NRIP1: variants seen among roughly 807,000 people sequenced by gnomAD.
NRIP1 encodes the protein nuclear receptor-interacting protein 1.
NRIP1 carries 28 observed loss-of-function variants against 75.0 expected under a neutral mutation model. The ratio of observed to expected loss-of-function variants is 0.37; its 90% CI spans 0.28 to 0.51. The LOEUF is 0.51. Among genes scored for constraint, NRIP1 ranks in the 20% least tolerant of loss-of-function variants. The pLI, the probability that NRIP1 is intolerant of heterozygous loss-of-function variation, is 0.92. For missense variants in NRIP1, 1,435 were observed against 1,343.7 expected, an observed-to-expected ratio of 1.07 and a Z score of -1.06; for synonymous variants, 526 against 487.6, an observed-to-expected ratio of 1.08 and a Z score of -1.04.
chr21:14,977,159 G>A (rs2087095318), intron 3 of NRIP1, among the ~76,000 whole-genome samples: 1 of 151,970 alleles, frequency 6.6e-6, no homozygotes, highest in African/African-American at 2.4e-5. Context: ...AATTTCAGGG[G>A]TATTTTTATA....
At chr21:14,990,476 A>G (rs142252566) in intron 3 of NRIP1, among the ~76,000 whole-genome samples, 1 of 152,258 alleles carries the variant, frequency 6.6e-6, no homozygotes, top group East Asian at 1.9e-4. Context: ...GGTTGAAGAG[A>G]CTTGAGTAAG....
intron 2 of NRIP1, among the ~76,000 whole-genome samples, chr21:15,015,616 A>G (rs1487869478): frequency 6.6e-6 from 1 of 152,106 alleles, no homozygotes; most frequent in Non-Finnish European, 1.5e-5. Flanking sequence ...AGTTAAATAA[A>G]CTACAGTATA....
chr21:15,045,803 CGTT>C, intron 1 of NRIP1, among the ~76,000 whole-genome samples: 1 of 152,310 alleles, frequency 6.6e-6, no homozygotes, highest in Non-Finnish European at 1.5e-5. Flanking sequence ...CTAAATCCTT[CGTT>C]GTTATTTCAA....
Position 14,964,809 on chromosome 21 carries a change from A to G in NRIP1, c.3384T>C (p.His1128=), listed in dbSNP as rs2086678075. ...FFNLRSPYNS[H]MGNNASRPHS... is the part of the protein sequence containing the mutation. ...GTGGGCGAGAAGCATTATTTCCCAT[A>G]TGGCTATTGTAAGGGCTTCTTAAAT... Residue 1128 remains histidine (H), a synonymous_variant, in exon 4 of 4, where the codon CAT becomes CAC. Transcript: ENST00000318948. 1 of 1,612,388 alleles carries G rather than the reference A, an allele frequency of 6.2e-7. No homozygotes were observed. Among genetic ancestry groups the G allele is most frequent in the African/African-American group, 1.3e-5 (1 of 74,822 alleles).
chr21:15,064,136 G>A (rs1051051766), intron 1 of NRIP1, among the ~76,000 whole-genome samples: 1 of 152,254 alleles, frequency 6.6e-6, no homozygotes, highest in African/African-American at 2.4e-5. Context: ...CCTAAATGGG[G>A]GCCGGCCCCT....
chr21:15,053,879 T>C (rs1395321110), intron 1 of NRIP1, among the ~76,000 whole-genome samples: 2 of 152,284 alleles, frequency 1.3e-5, no homozygotes, highest in East Asian at 3.9e-4. Flanking sequence ...AGCAAGAAAC[T>C]AGGTTAAAGT....
Position 14,966,052 on chromosome 21 carries a change from T to A in NRIP1, c.2141A>T (p.Gln714Leu). Residue 714 changes from glutamine to leucine, a missense_variant, in exon 4 of 4, where the codon CAG (glutamine) becomes CTG (leucine). By Grantham distance (113) the Gln-to-Leu change is moderately radical. Transcript: ENST00000318948. ...ENLLERRTVL[Q>L]LLLGNPNKGK... ...TTTGTTGGGGTTCCCCAGGAGCAAC[T>A]GGAGGACAGTACGTCTTTCAAGCAG... is the stretch of plus-strand genomic sequence containing the variant. The A allele has an allele frequency of 6.2e-7, 1 of 1,613,084 alleles. No individual in the cohort carries two copies.
rs1403399494 is a variant in NRIP1, at chr21:14,964,114, A to C, written c.*602T>G. On this transcript the variant is annotated 3_prime_UTR_variant, in exon 4 of 4. Coordinates refer to ENST00000318948, the MANE Select transcript of NRIP1 (RefSeq NM_003489.4). ...AAAGAAATATATATTGAAAAGGATC[A>C]GGGTGGGACAGACACATTGGGAACC... The C allele has an allele frequency of 6.6e-6, 1 of 152,582 alleles. No individual in the cohort carries two copies. The highest frequency in any genetic ancestry group is 1.5e-5 in the Non-Finnish European group (1 of 68,004). The allele number at this position is 152,582 out of a possible 1,614,324, so 9.5% of individuals were successfully genotyped here.
intron 3 of NRIP1, among the ~76,000 whole-genome samples, chr21:15,007,298 A>G (rs1412382948): frequency 2.6e-5 from 4 of 152,248 alleles, no homozygotes; most frequent in African/African-American, 9.6e-5. Flanking sequence ...AATAAGGCAA[A>G]GGCAGGAGAG....
intron 1 of NRIP1, among the ~76,000 whole-genome samples, chr21:15,054,171 T>G (rs2089258490): frequency 6.6e-6 from 1 of 152,180 alleles, no homozygotes; most frequent in Admixed American, 6.5e-5. Context: ...TTCTGAATCA[T>G]CAACTGTTCT....
At chr21:14,999,701 A>T (rs1211228504) in intron 3 of NRIP1, among the ~76,000 whole-genome samples, 2 of 152,196 alleles carry the variant, frequency 1.3e-5, no homozygotes, top group Non-Finnish European at 2.9e-5. Flanking sequence ...TAAGGTTCCT[A>T]CTGCTCAAGA....
chr21:14,985,673 T>C (rs915543252), intron 3 of NRIP1, among the ~76,000 whole-genome samples: 3 of 152,222 alleles, frequency 2.0e-5, no homozygotes, highest in African/African-American at 7.2e-5. Flanking sequence ...GAACTGATCA[T>C]ACTAATTTGG....
rs200111158 is a variant in NRIP1 at position 14,964,983 on chromosome 21, G to A, written c.3210C>T (p.Tyr1070=). 3.0e-5 allele frequency: 48 copies of A among 1,613,984 alleles called. No individual in the cohort carries two copies. The East Asian group carries it at 9.8e-4, about 33-fold the overall frequency. Residue 1070 remains tyrosine, a synonymous_variant, in exon 4 of 4, where the codon TAC becomes TAT. Coordinates refer to ENST00000318948, the MANE Select transcript of NRIP1 (RefSeq NM_003489.4). The part of the protein sequence containing the change: ...RLTKTNPILY[Y]MLQKGGNSVT... ...CAGAATTGCCTCCTTTTTGAAGCAT[G>A]TAATATAGTATTGGGTTGGTTTTGG...
In NRIP1 at chr21:14,966,142, T is replaced by A; in HGVS notation, c.2051A>T (p.Asn684Ile). The A allele has an allele frequency of 6.2e-7, 1 of 1,613,096 alleles. No homozygotes were observed. Among genetic ancestry groups the A allele is most frequent in the East Asian group, 2.2e-5 (1 of 44,878 alleles). Residue 684 changes from asparagine to isoleucine, a missense_variant, in exon 4 of 4, where the codon AAT becomes ATT. Transcript: ENST00000318948. The part of the protein sequence containing the change: ...LSNKTNAVEE[N>I]KAFSSQPTGP... ...TGTTGGTTGACTACTAAATGCTTTA[T>A]TTTCTTCAACTGCATTTGTTTTATT...
At chr21:14,982,014 G>A (rs1313718485) in intron 3 of NRIP1, among the ~76,000 whole-genome samples, 4 of 151,954 alleles carry the variant, frequency 2.6e-5, no homozygotes, top group Non-Finnish European at 5.9e-5. Flanking sequence ...CACCATGCCT[G>A]ACTAACTTTT....
At chr21:14,972,895 C>T (rs572190507) in intron 3 of NRIP1, among the ~76,000 whole-genome samples, 25 of 152,298 alleles carry the variant, frequency 1.6e-4, no homozygotes, top group South Asian at 6.2e-4. Flanking sequence ...GGAGCTCAGG[C>T]GGTAATGCTT....
chr21:15,049,026 A>G (rs1011615027), intron 1 of NRIP1, among the ~76,000 whole-genome samples: 12 of 152,224 alleles, frequency 7.9e-5, no homozygotes, highest in African/African-American at 2.2e-4. Flanking sequence ...ATATATTTGA[A>G]TAAGTCCATC....
intron 2 of NRIP1, among the ~76,000 whole-genome samples, chr21:15,041,628 C>A: frequency 6.6e-6 from 1 of 152,158 alleles, no homozygotes; most frequent in South Asian, 2.1e-4. Context: ...TTTGCAGTTT[C>A]TTTTTAATAA....
intron 3 of NRIP1, among the ~76,000 whole-genome samples, chr21:14,973,498 TA>T (rs1366454804): frequency 1.3e-5 from 2 of 152,072 alleles, no homozygotes; most frequent in African/African-American, 4.8e-5. Context: ...AATAATAGAA[TA>T]AAAGCTAACT....
Sources: gnomAD v4.1 joint callset for allele counts (sites outside exome capture counted in the v4.1 genomes callset) on GRCh38, gnomAD v4.1.1 for gene constraint, MANE v1.5 for transcripts, NCBI Gene and HGNC (gene_info 2026-07-23, HGNC 2026-07-21) for gene names.